The following C8orf34 variants were observed in gnomAD, a reference collection of about 807,000 sequenced individuals.
The protein encoded by C8orf34 is uncharacterized protein C8orf34.
A neutral mutation model predicts 68.3 loss-of-function variants in C8orf34; 65 were observed. The ratio of observed to expected loss-of-function variants is 0.95; its 90% CI spans 0.78 to 1.17. The LOEUF (loss-of-function observed/expected upper bound fraction) is 1.17, where lower values mean the gene tolerates loss of function less well. Among genes scored for constraint, C8orf34 ranks in the 50% most tolerant of loss-of-function variants. The probability of loss-of-function intolerance (pLI) is 0.00; values close to 1 mark genes in which losing one functional copy is unlikely to be tolerated. For missense variants in C8orf34, 664 were observed against 655.4 expected (o/e 1.01, Z -0.14); for synonymous variants, 244 against 241.2 (o/e 1.01, Z -0.11).
intron 6 of C8orf34, 100 bp downstream of exon 6, chr8:68,522,071 A>T (rs1814780994): frequency 2.7e-6 from 3 of 1,092,156 alleles, no homozygotes; most frequent in Admixed American, 2.6e-5. Flanking sequence ...CGTTTTAGTA[A>T]TTTTTTATAG....
intron 1 of C8orf34, among the ~76,000 whole-genome samples, chr8:68,412,738 C>T (rs545971071): frequency 6.6e-6 from 1 of 152,298 alleles, no homozygotes; most frequent in African/African-American, 2.4e-5. Context: ...TCCATTTTCT[C>T]ACCCTCTGTA....
At chr8:68,431,044 A>G (rs906617659) in intron 1 of C8orf34, among the ~76,000 whole-genome samples, 12 of 152,202 alleles carry the variant, frequency 7.9e-5, no homozygotes, top group Non-Finnish European at 1.6e-4. Flanking sequence ...TCAGAGAACT[A>G]AATGAGTAGC....
At chr8:68,650,139 T>C (rs1156922213) in intron 8 of C8orf34, among the ~76,000 whole-genome samples, 2 of 152,050 alleles carry the variant, frequency 1.3e-5, no homozygotes, top group African/African-American at 4.8e-5. Flanking sequence ...ATAATTCTGA[T>C]TGGGTTTTAA....
chr8:68,334,576 G>A (rs953430166), intron 1 of C8orf34, among the ~76,000 whole-genome samples: 2 of 151,990 alleles, frequency 1.3e-5, no homozygotes, highest in African/African-American at 4.8e-5. Context: ...TCTTGGTTCA[G>A]GCCTGATCAC....
chr8:68,798,877 T>A (rs1824253009), intron 12 of C8orf34, among the ~76,000 whole-genome samples: 1 of 152,212 alleles, frequency 6.6e-6, no homozygotes, highest in Admixed American at 6.5e-5. Context: ...TAAAACTTAA[T>A]CTCACCACAT....
intron 9 of C8orf34, among the ~76,000 whole-genome samples, chr8:68,709,852 T>A (rs993640597): frequency 1.3e-5 from 2 of 152,182 alleles, no homozygotes; most frequent in African/African-American, 2.4e-5. Flanking sequence ...GTACAGGTAA[T>A]GCCACTCCAA....
intron 4 of C8orf34, among the ~76,000 whole-genome samples, chr8:68,470,293 T>C (rs1812327298): frequency 6.6e-6 from 1 of 152,092 alleles, no homozygotes; most frequent in Non-Finnish European, 1.5e-5. Flanking sequence ...ATTTACCTAA[T>C]AACATGAACT....
intron 10 of C8orf34, among the ~76,000 whole-genome samples, chr8:68,748,690 C>A (rs1202559672): frequency 6.6e-6 from 1 of 151,588 alleles, no homozygotes; most frequent in South Asian, 2.1e-4. Context: ...CAATGAGATA[C>A]CATCTCACAC....
In C8orf34 at chr8:68,721,339, C is replaced by T. The variant is rs1413825927; in HGVS notation, c.1328-22C>T. The T allele has an allele frequency of 2.0e-6, 3 of 1,500,002 alleles. No homozygotes were observed. In the African/African-American group the frequency reaches 4.2e-5, roughly 21 times the overall value. The allele number at this position is 1,500,002 out of a possible 1,614,324, so 92.9% of individuals were successfully genotyped here. On this transcript the variant is annotated intron_variant, in intron 9 of 13. Transcript: ENST00000518698. ...AAGCAATATGTGAGTATAATTTATT[C>T]ATTTTTTAAAAATAAAAATAGATTC...
chr8:68,638,883 C>T (rs1585654894), intron 7 of C8orf34, among the ~76,000 whole-genome samples: 1 of 152,010 alleles, frequency 6.6e-6, no homozygotes, highest in African/African-American at 2.4e-5. Context: ...TATTGGGTCA[C>T]GGTTTTCAAT....
At chr8:68,707,397 C>T (rs909727026) in intron 8 of C8orf34, among the ~76,000 whole-genome samples, 6 of 152,206 alleles carry the variant, frequency 3.9e-5, no homozygotes, top group Admixed American at 2.0e-4. Flanking sequence ...CTGTCAGGAA[C>T]AGTTATAATT....
intron 11 of C8orf34, among the ~76,000 whole-genome samples, chr8:68,785,003 A>G (rs1489059085): frequency 6.6e-6 from 1 of 152,080 alleles, no homozygotes; most frequent in African/African-American, 2.4e-5. Context: ...ACTGAGTGTC[A>G]TTGCTTCTAA....
In C8orf34 at chr8:68,791,105, C is replaced by T. The variant is rs149354350; in HGVS notation, c.1549+3569C>T. ...AAGACATGCAAGACAGTGTATTAGT[C>T]GGTTTTCACACTGCTATAAAGAACT... On this transcript the variant is annotated intron_variant, in intron 12 of 13. Coordinates refer to ENST00000518698, the MANE Select transcript of C8orf34 (RefSeq NM_052958.4). 1.7e-3 allele frequency: 887 copies of T among 521,980 alleles called. 18 individuals are homozygous for T. In the Admixed American group the frequency reaches 0.028, roughly 16 times the overall value. 32.3% of individuals were successfully genotyped at this position (521,980 alleles called of 1,614,324 possible).
At chr8:68,511,532 G>A (rs974444667) in intron 5 of C8orf34, among the ~76,000 whole-genome samples, 1 of 151,870 alleles carries the variant, frequency 6.6e-6, no homozygotes, top group Non-Finnish European at 1.5e-5. Context: ...ATGACCAGGG[G>A]AACATATGTG....
intron 1 of C8orf34, among the ~76,000 whole-genome samples, chr8:68,358,441 G>A (rs191164038): frequency 2.3e-4 from 35 of 151,050 alleles, no homozygotes; most frequent in African/African-American, 7.8e-4. Flanking sequence ...AGATAGACCC[G>A]CACAGATGAC....
intron 2 of C8orf34, among the ~76,000 whole-genome samples, chr8:68,445,664 G>A (rs1022654543): frequency 6.6e-6 from 1 of 152,120 alleles, no homozygotes; most frequent in African/African-American, 2.4e-5. Context: ...AGATAAGGTG[G>A]CATCAAGTGA....
chr8:68,698,773 G>A (rs1820906617), intron 8 of C8orf34, among the ~76,000 whole-genome samples: 2 of 152,020 alleles, frequency 1.3e-5, no homozygotes, highest in Admixed American at 1.3e-4. Context: ...GCAGGATCCT[G>A]GGCTCAAGTG....
At chr8:68,778,441 G>A (rs981899767) in intron 11 of C8orf34, among the ~76,000 whole-genome samples, 22 of 151,846 alleles carry the variant, frequency 1.4e-4, no homozygotes, top group Non-Finnish European at 1.5e-5. Context: ...TTTTCATCTA[G>A]TTTTATAATG....
intron 12 of C8orf34, among the ~76,000 whole-genome samples, chr8:68,806,768 T>A (rs934986935): frequency 9.9e-5 from 15 of 152,224 alleles, no homozygotes; most frequent in Admixed American, 3.9e-4. Context: ...TTGTTTTGGT[T>A]CCTTTTCCAT....
Sources: allele counts gnomAD v4.1 joint callset (sites outside exome capture counted in the v4.1 genomes callset), GRCh38; gene constraint gnomAD v4.1.1; transcripts MANE v1.5; gene names NCBI Gene and HGNC (gene_info 2026-07-23, HGNC 2026-07-21).